The following BOLA3 variants were observed in gnomAD, a reference collection of about 807,000 sequenced individuals.
BOLA3 encodes the protein bolA family member 3.
Under a neutral mutation model 14.5 loss-of-function variants are expected in BOLA3, and 8 were observed. That is an observed-to-expected ratio of 0.55 (90% confidence interval 0.32 to 0.99). The LOEUF (loss-of-function observed/expected upper bound fraction) is 0.99, where lower values mean the gene tolerates loss of function less well. BOLA3 is among the 50% of genes least tolerant of loss of function. The pLI is 0.04. For missense variants in BOLA3, 115 were observed against 138.2 expected (o/e 0.83, Z 0.84); for synonymous variants, 42 against 45.7 (o/e 0.92, Z 0.33).
intron 3 of BOLA3, among the ~76,000 whole-genome samples, chr2:74,140,331 G>T (rs939336318): frequency 2.0e-5 from 3 of 152,144 alleles, no homozygotes; most frequent in Admixed American, 2.0e-4. Context: ...CCAATGTCAG[G>T]ATGTGAGTTC....
At chr2:74,141,562 G>T (rs1314583315) in intron 3 of BOLA3, among the ~76,000 whole-genome samples, 3 of 151,962 alleles carry the variant, frequency 2.0e-5, no homozygotes, top group African/African-American at 7.3e-5. Context: ...AGAGAAGGGT[G>T]GGGGGAAATG....
chr2:74,144,197 GGGGGTTTCA>G (rs1692498954), intron 2 of BOLA3, among the ~76,000 whole-genome samples: 1 of 144,054 alleles, frequency 6.9e-6, no homozygotes, highest in African/African-American at 2.6e-5. Context: ...GTAGAGACGG[GGGGGTTTCA>G]CCATGTTGGC....
At chr2:74,141,974 G>C (rs2242006) in intron 3 of BOLA3, among the ~76,000 whole-genome samples, 28,930 of 152,142 alleles carry the variant, frequency 0.19, 3,426 homozygotes, top group East Asian at 0.39. Context: ...TCTTTTAGCA[G>C]TGTCTGTGTT....
At chr2:74,137,884 T>C (rs377100360) in intron 3 of BOLA3, among the ~76,000 whole-genome samples, 1 of 152,358 alleles carries the variant, frequency 6.6e-6, no homozygotes, top group East Asian at 1.9e-4. Context: ...CTGGGCCACT[T>C]GCTCTCTGCA....
chr2:74,140,232 C>T (rs1003736531), intron 3 of BOLA3, among the ~76,000 whole-genome samples: 9 of 151,934 alleles, frequency 5.9e-5, no homozygotes, highest in South Asian at 2.1e-4. Context: ...TGCAGTGAGC[C>T]GAGATAGCGC....
intron 2 of BOLA3, among the ~76,000 whole-genome samples, chr2:74,143,095 T>G (rs1359622907): frequency 2.6e-5 from 4 of 152,078 alleles, no homozygotes; most frequent in Admixed American, 6.5e-5. Context: ...ATATGTCCCC[T>G]GCATGATTTA....
intron 3 of BOLA3, among the ~76,000 whole-genome samples, chr2:74,136,223 T>TA (rs1294157142): frequency 3.3e-5 from 5 of 152,206 alleles, no homozygotes; most frequent in African/African-American, 1.2e-4. Context: ...GTGCCGGAAT[T>TA]ACAAGCGTGA....
At chr2:74,144,445 G>T (rs1421498372) in intron 2 of BOLA3, among the ~76,000 whole-genome samples, 2 of 152,220 alleles carry the variant, frequency 1.3e-5, no homozygotes, top group East Asian at 1.9e-4. Flanking sequence ...AGTGGCAAAG[G>T]CTGCCTCTGG....
chr2:74,136,451 G>T (rs1269537704), intron 3 of BOLA3, among the ~76,000 whole-genome samples: 1 of 152,108 alleles, frequency 6.6e-6, no homozygotes, highest in African/African-American at 2.4e-5. Context: ...AACATTTTGA[G>T]ATTTTTTTTG....
intron 1 of BOLA3, chr2:74,146,509 T>C (rs1407650203): frequency 6.6e-6 from 1 of 152,344 alleles, no homozygotes; most frequent in Non-Finnish European, 1.5e-5. Context: ...GGGACCAAAG[T>C]AACCTGCAGG....
At chr2:74,138,413 C>T (rs551968986) in intron 3 of BOLA3, among the ~76,000 whole-genome samples, 4 of 152,346 alleles carry the variant, frequency 2.6e-5, no homozygotes, top group African/African-American at 7.2e-5. Flanking sequence ...GCCCTGCTTC[C>T]GGTGTTCGAG....
intron 1 of BOLA3, chr2:74,145,509 G>T: frequency 1.7e-6 from 1 of 591,674 alleles, no homozygotes; most frequent in Admixed American, 2.9e-5. Flanking sequence ...TTTATTGGCG[G>T]GGACAGGATG....
chr2:74,140,556 G>A (rs966248150), intron 3 of BOLA3, among the ~76,000 whole-genome samples: 1 of 152,178 alleles, frequency 6.6e-6, no homozygotes, highest in African/African-American at 2.4e-5. Context: ...TGACTGGGCT[G>A]TCTACTCAGG....
intron 1 of BOLA3, chr2:74,147,351 C>A: frequency 4.7e-6 from 1 of 214,962 alleles, no homozygotes; most frequent in Non-Finnish European, 9.3e-6. Context: ...TAGGAGAGCG[C>A]GTGGGAAGTG....
intron 3 of BOLA3, among the ~76,000 whole-genome samples, chr2:74,141,502 T>C (rs1336134140): frequency 6.6e-6 from 1 of 150,892 alleles, no homozygotes; most frequent in East Asian, 2.0e-4. Flanking sequence ...AAGGCCCAGA[T>C]AGAGAAAGAG....
At chr2:74,140,999 ACCAGCACCTATGGGT>A (rs1178585869) in intron 3 of BOLA3, among the ~76,000 whole-genome samples, 1 of 152,216 alleles carries the variant, frequency 6.6e-6, no homozygotes, top group East Asian at 1.9e-4. Flanking sequence ...CACTCAAATT[ACCAGCACCTATGGGT>A]CCAGTCACAC....
intron 3 of BOLA3, among the ~76,000 whole-genome samples, chr2:74,141,688 C>T (rs544005286): frequency 2.6e-5 from 4 of 152,222 alleles, no homozygotes; most frequent in Admixed American, 2.0e-4. Context: ...CAAGACCTTC[C>T]AGAACGATGC....
chr2:74,146,750 G>A (rs1199898126), intron 1 of BOLA3: 1 of 152,320 alleles, frequency 6.6e-6, no homozygotes, highest in Non-Finnish European at 1.5e-5. Flanking sequence ...TTTAAAATGA[G>A]CTGTGCACTG....
In BOLA3 at chr2:74,135,481, A is replaced by G. The variant is rs1436488592; in HGVS notation, c.*112T>C. Reference sequence around the variant, plus strand: ...TACATCTTCTATAATTATAATATGGAAATGTATATGAGCAAAATATATAAA... The same window carrying G: ...TACATCTTCTATAATTATAATATGGGAATGTATATGAGCAAAATATATAAA... On this transcript the variant is annotated 3_prime_UTR_variant, in exon 4 of 4. Coordinates refer to ENST00000327428, the MANE Select transcript of BOLA3 (RefSeq NM_212552.3). 1.4e-6 allele frequency: 2 copies of G among 1,478,590 alleles called. No homozygotes were observed. Among genetic ancestry groups the G allele is most frequent in the Non-Finnish European group, 1.9e-6 (2 of 1,059,226 alleles). The allele number at this position is 1,478,590 out of a possible 1,614,324, so 91.6% of individuals were successfully genotyped here. A position where few individuals can be genotyped will look rare whatever the true frequency, so the allele number is the denominator to read the frequency against.
Sources: allele counts gnomAD v4.1 joint callset (sites outside exome capture counted in the v4.1 genomes callset), GRCh38; gene constraint gnomAD v4.1.1; transcripts MANE v1.5; gene names NCBI Gene and HGNC (gene_info 2026-07-23, HGNC 2026-07-21).